MOXD1: variants seen among roughly 807,000 people sequenced by gnomAD.
MOXD1 encodes the protein DBH-like monooxygenase protein 1.
In MOXD1, 62 loss-of-function variants were observed where a neutral mutation model predicts 66.6. The observed-to-expected ratio is 0.93, with a 90% confidence interval of 0.76 to 1.15. The LOEUF (loss-of-function observed/expected upper bound fraction) is 1.15, where lower values mean the gene tolerates loss of function less well. Ranked by LOEUF, MOXD1 falls within the 50% of genes most tolerant of loss-of-function variation. The pLI, the probability that MOXD1 is intolerant of heterozygous loss-of-function variation, is 0.00. For synonymous variants in MOXD1, 303 were observed against 281.9 expected, an observed-to-expected ratio of 1.07 and a Z score of -0.75; for missense variants, 847 against 754.6, an observed-to-expected ratio of 1.12 and a Z score of -1.44.
At chr6:132,374,962 T>C in intron 1 of MOXD1, 185 bp from the exon 2 acceptor site, 1 of 628,884 alleles carries the variant, frequency 1.6e-6, no homozygotes, top group South Asian at 2.0e-5. Context: ...TTTGAACTTC[T>C]GGCCTTTCAG....
At chr6:132,397,773 C>T (rs1438183636) in intron 1 of MOXD1, among the ~76,000 whole-genome samples, 1 of 152,150 alleles carries the variant, frequency 6.6e-6, no homozygotes, top group Admixed American at 6.5e-5. Flanking sequence ...TCTGGCAATA[C>T]TGAATTTACA....
At chr6:132,391,169 C>G (rs533827103) in intron 1 of MOXD1, 12 of 151,006 alleles carry the variant, frequency 7.9e-5, no homozygotes, top group African/African-American at 2.9e-4. Context: ...GGGAATCAAC[C>G]GAAATATGAG....
In MOXD1 at chr6:132,401,321, T is replaced by C; in HGVS notation, c.106A>G (p.Lys36Glu). ...CGCTGGCTCCAGCCCAGCCAGTACT[T>C]GCCCTCCGAGTCCAGGAGGGTCCGG... is the stretch of plus-strand genomic sequence containing the variant. ...PHRTLLDSEGKYWLGWSQRGS... is the reference protein window; with the variant it reads ...PHRTLLDSEGEYWLGWSQRGS... The change falls in exon 1 of 12, where the codon AAG becomes GAG. Residue 36 changes from lysine (K) to glutamate (E), a missense_variant. Lys to Glu is a moderately conservative substitution (Grantham distance 56). Coordinates refer to ENST00000367963, the MANE Select transcript of MOXD1 (RefSeq NM_015529.4). The C allele has an allele frequency of 6.3e-7, 1 of 1,591,504 alleles. No homozygotes were observed. The highest frequency in any genetic ancestry group is 8.5e-7 in the Non-Finnish European group (1 of 1,173,830).
intron 4 of MOXD1, among the ~76,000 whole-genome samples, chr6:132,370,933 G>C (rs1453082420): frequency 6.6e-6 from 1 of 151,960 alleles, no homozygotes; most frequent in Non-Finnish European, 1.5e-5. Flanking sequence ...CTACATAGAG[G>C]GTTGAAACAT....
At chr6:132,375,173 G>C in intron 1 of MOXD1, 1 of 232,274 alleles carries the variant, frequency 4.3e-6, no homozygotes, top group African/African-American at 2.2e-5. Context: ...CAGCCCTAAG[G>C]TCATCACTCT....
chr6:132,333,294 C>A (rs575344264), intron 4 of MOXD1, among the ~76,000 whole-genome samples: 17 of 145,398 alleles, frequency 1.2e-4, no homozygotes, highest in Admixed American at 4.2e-4. Flanking sequence ...TGAGATCGCC[C>A]CACTGCACTC....
chr6:132,334,542 G>A (rs73546027), intron 4 of MOXD1, among the ~76,000 whole-genome samples: 8,368 of 152,208 alleles, frequency 0.055, 453 homozygotes, highest in African/African-American at 0.14. Flanking sequence ...ACAAGTATTC[G>A]CATGAGACTT....
intron 10 of MOXD1, among the ~76,000 whole-genome samples, chr6:132,303,558 T>C (rs997601457): frequency 6.6e-6 from 1 of 151,790 alleles, no homozygotes; most frequent in African/African-American, 2.4e-5. Context: ...TATTATGCTG[T>C]ATTGTTAAGG....
intron 10 of MOXD1, among the ~76,000 whole-genome samples, chr6:132,315,313 G>A (rs1267817636): frequency 6.6e-6 from 1 of 152,164 alleles, no homozygotes; most frequent in Non-Finnish European, 1.5e-5. Context: ...CTTGCGCCTG[G>A]TTTCCTCTAG....
chr6:132,336,430 G>A (rs1194251205), intron 4 of MOXD1, among the ~76,000 whole-genome samples: 2 of 152,186 alleles, frequency 1.3e-5, no homozygotes, highest in African/African-American at 4.8e-5. Context: ...ATGCTGACAT[G>A]CTCATGTGAC....
At chr6:132,357,669 T>C (rs1476110071) in intron 4 of MOXD1, among the ~76,000 whole-genome samples, 1 of 152,148 alleles carries the variant, frequency 6.6e-6, no homozygotes, top group Non-Finnish European at 1.5e-5. Flanking sequence ...TGGATAATAA[T>C]ATCCAAGTAA....
chr6:132,301,813 A>G (rs1274721323), intron 10 of MOXD1, among the ~76,000 whole-genome samples: 1 of 152,132 alleles, frequency 6.6e-6, no homozygotes. Context: ...AACCATATGA[A>G]ACAGCTGGTT....
chr6:132,334,408 C>T (rs1775393842), intron 4 of MOXD1, among the ~76,000 whole-genome samples: 1 of 152,126 alleles, frequency 6.6e-6, no homozygotes, highest in African/African-American at 2.4e-5. Context: ...CCATTTTCTC[C>T]TGGAAGGTCA....
chr6:132,322,838 A>T lies in MOXD1; in HGVS notation c.1146T>A (p.His382Gln), dbSNP rs142837226. Reference sequence around the variant, plus strand: ...GAGCATGGAGAAGAACAGCAAACACATGAATTCCACTTGGCTTTTCGGCTT... The same window carrying T: ...GAGCATGGAGAAGAACAGCAAACACTTGAATTCCACTTGGCTTTTCGGCTT... ...ALEAEKPSGI[H>Q]VFAVLLHAHL... is the part of the protein sequence containing the mutation. The change falls in exon 8 of 12, where the codon CAT becomes CAA. Residue 382 changes from histidine (H) to glutamine (Q), a missense_variant. Transcript: ENST00000367963. 32 of 1,613,792 alleles carry T rather than the reference A, an allele frequency of 2.0e-5. No individual in the cohort carries two copies. The African/African-American group carries it at 3.9e-4, about 19-fold the overall frequency.
rs369390860 is a variant in MOXD1 at position 132,386,177 on chromosome 6, C to T, written c.265-11400G>A. The stretch of plus-strand genomic sequence containing the variant: ...CAGCGCTTTGGGAGGCCGAGGCGGG[C>T]GGATCACGAGGTCAGGAAATCAAGA... On this transcript the variant is annotated intron_variant, in intron 1 of 11. Coordinates refer to ENST00000367963, the MANE Select transcript of MOXD1 (RefSeq NM_015529.4). 1.1e-3 allele frequency among the ~76,000 whole-genome samples: 157 copies of T among 143,704 alleles called. 29 individuals are homozygous for T. In the East Asian group the frequency reaches 0.031, roughly 28 times the overall value. 94.3% of individuals were successfully genotyped at this position (143,704 alleles called of 152,430 possible).
chr6:132,368,235 C>T (rs1034384546), intron 4 of MOXD1, among the ~76,000 whole-genome samples: 49 of 151,996 alleles, frequency 3.2e-4, no homozygotes, highest in Admixed American at 2.6e-3. Context: ...TAGAATCAAC[C>T]GTCTTTAAAA....
rs1201286704 is a variant in MOXD1, at chr6:132,296,376, GT to G, written c.*776del. The G allele has an allele frequency of 6.6e-6, 1 of 152,134 alleles. No individual in the cohort carries two copies. Among genetic ancestry groups the G allele is most frequent in the African/African-American group, 2.4e-5 (1 of 41,416 alleles). The allele number at this position is 152,134 out of a possible 1,614,324, so 9.4% of individuals were successfully genotyped here. ...CATATAAGTCACCTCACAGCACTGG[GT>G]TTGCAGCCAGCTACATTTTTTCTCC... On this transcript the variant is annotated 3_prime_UTR_variant, in exon 12 of 12. Coordinates refer to ENST00000367963, the MANE Select transcript of MOXD1 (RefSeq NM_015529.4).
chr6:132,316,290 T>C (rs1385520839), intron 9 of MOXD1, among the ~76,000 whole-genome samples: 1 of 152,122 alleles, frequency 6.6e-6, no homozygotes, highest in Admixed American at 6.5e-5. Flanking sequence ...TATTATCTAA[T>C]ATGTCTAATT....
intron 4 of MOXD1, among the ~76,000 whole-genome samples, chr6:132,332,949 G>T (rs1269927249): frequency 3.3e-5 from 5 of 152,154 alleles, no homozygotes; most frequent in Non-Finnish European, 7.3e-5. Context: ...TTTCTGATGT[G>T]CTGGGTAACT....
Sources: gnomAD v4.1 joint callset for allele counts (sites outside exome capture counted in the v4.1 genomes callset) on GRCh38, gnomAD v4.1.1 for gene constraint, MANE v1.5 for transcripts, NCBI Gene and HGNC (gene_info 2026-07-23, HGNC 2026-07-21) for gene names.